The following ARHGEF6 variants were observed in gnomAD, a reference collection of about 807,000 sequenced individuals.
ARHGEF6 encodes the protein rho guanine nucleotide exchange factor 6.
In ARHGEF6, 9 loss-of-function variants were observed where a neutral mutation model predicts 70.3. The observed-to-expected ratio is 0.13, with a 90% CI of 0.08 to 0.22. The LOEUF (loss-of-function observed/expected upper bound fraction) is 0.22, where lower values mean the gene tolerates loss of function less well. Ranked by LOEUF, ARHGEF6 falls within the 10% of genes least tolerant of loss-of-function variation. The pLI, the probability that ARHGEF6 is intolerant of heterozygous loss-of-function variation, is 1.00. For missense variants in ARHGEF6, 470 were observed against 563.0 expected (o/e 0.83, Z 1.67); for synonymous variants, 201 against 207.8 (o/e 0.97, Z 0.28).
intron 9 of ARHGEF6, among the ~76,000 whole-genome samples, chrX:136,697,005 G>C (rs1168140601): frequency 2.7e-5 from 3 of 111,208 alleles, no homozygotes; most frequent in African/African-American, 9.8e-5. Flanking sequence ...CCCGACACAG[G>C]CTGGAGAGTA....
intron 11 of ARHGEF6, 94 bp downstream of exon 11, chrX:136,687,838 A>T (rs1349785838): frequency 2.7e-6 from 2 of 742,360 alleles, no homozygotes; most frequent in Admixed American, 4.4e-5. Flanking sequence ...CATTCTAAAG[A>T]CCTTTGTATA....
chrX:136,727,471 CTCTT>C (rs199655838), intron 6 of ARHGEF6, among the ~76,000 whole-genome samples: 6 of 97,537 alleles, frequency 6.2e-5, no homozygotes, highest in East Asian at 6.4e-4. Flanking sequence ...CTTTCTTTCT[CTCTT>C]TCTTTCCTTC....
intron 9 of ARHGEF6, among the ~76,000 whole-genome samples, chrX:136,706,121 T>A (rs892165805): frequency 3.6e-5 from 4 of 111,746 alleles, no homozygotes; most frequent in Non-Finnish European, 7.5e-5. Flanking sequence ...TGTCCTACAG[T>A]TTTCTGGCCC....
chrX:136,754,253 T>G (rs953445276), intron 2 of ARHGEF6, among the ~76,000 whole-genome samples: 2 of 110,842 alleles, frequency 1.8e-5, no homozygotes, highest in East Asian at 5.6e-4. Flanking sequence ...GGCATCTTAG[T>G]GGGGCCAGTC....
Position 136,675,003 on chromosome X carries a change from C to G in ARHGEF6, c.2035+4G>C. On this transcript the variant is annotated splice_donor_region_variant and intron_variant, in intron 19 of 21. Coordinates refer to ENST00000250617, the MANE Select transcript of ARHGEF6 (RefSeq NM_004840.3). The stretch of plus-strand genomic sequence containing the variant: ...ACTAGAGAAAGTAGTTTGGGGGAAC[C>G]TACTTGAGCCATGGCCTTGTTGAAA... The G allele has an allele frequency of 8.3e-7, 1 of 1,207,006 alleles. No homozygotes were observed. Among genetic ancestry groups the G allele is most frequent in the Non-Finnish European group, 1.1e-6 (1 of 891,198 alleles).
At chrX:136,718,191 T>G (rs897374607) in intron 6 of ARHGEF6, among the ~76,000 whole-genome samples, 6 of 111,728 alleles carry the variant, frequency 5.4e-5, no homozygotes, top group Admixed American at 9.5e-5. Flanking sequence ...ATGTTCATAC[T>G]AATCAAAAGA....
intron 8 of ARHGEF6, among the ~76,000 whole-genome samples, chrX:136,707,423 C>T (rs2148615840): frequency 8.9e-6 from 1 of 111,961 alleles, no homozygotes; most frequent in East Asian, 2.8e-4. Flanking sequence ...ATCTTGGAGG[C>T]CTGGTGTTTG....
chrX:136,679,726 A>G, intron 15 of ARHGEF6, 66 bp from the exon 16 acceptor site: 1 of 1,163,906 alleles, frequency 8.6e-7, no homozygotes, highest in African/African-American at 1.8e-5. Flanking sequence ...CCACACAGTG[A>G]GAGAACAACA....
At position 136,685,828 on chromosome X, in the gene ARHGEF6, A is replaced by G. The variant is rs200791346; in HGVS notation, c.1246-5T>C. The G allele has an allele frequency of 3.4e-4, 412 of 1,208,099 alleles. No homozygotes were observed. Among genetic ancestry groups the G allele is most frequent in the Non-Finnish European group, 4.5e-4 (400 of 893,939 alleles). ...CCTCAGATCTTGACATTGCCCCTAC[A>G]GAACCAAAGCAGAACATAATGGAAT... On this transcript the variant is annotated splice_region_variant and splice_polypyrimidine_tract_variant and intron_variant, in intron 11 of 21. Transcript: ENST00000250617.
At chrX:136,721,792 G>T (rs1042316028) in intron 6 of ARHGEF6, among the ~76,000 whole-genome samples, 1 of 111,137 alleles carries the variant, frequency 9.0e-6, no homozygotes, top group Non-Finnish European at 1.9e-5. Flanking sequence ...TGGGGGAGCT[G>T]GTTGGGATGA....
intron 6 of ARHGEF6, among the ~76,000 whole-genome samples, chrX:136,728,337 G>A (rs758092411): frequency 4.0e-4 from 44 of 110,724 alleles, no homozygotes; most frequent in African/African-American, 1.2e-3. Context: ...GGCAGGTGCG[G>A]GTCTGAGCTG....
chrX:136,692,498 G>A (rs1451095525), intron 9 of ARHGEF6, among the ~76,000 whole-genome samples: 1 of 112,040 alleles, frequency 8.9e-6, no homozygotes, highest in African/African-American at 3.2e-5. Flanking sequence ...AACCCTGGAT[G>A]AGTTGCCTGA....
chrX:136,680,660 T>C, intron 15 of ARHGEF6, 71 bp downstream of exon 15: 1 of 1,150,619 alleles, frequency 8.7e-7, no homozygotes, highest in South Asian at 1.8e-5. Context: ...CGCTGCTTCT[T>C]GTAAGTCTCC....
At chrX:136,722,066 TA>T (rs894203278) in intron 6 of ARHGEF6, among the ~76,000 whole-genome samples, 10 of 108,935 alleles carry the variant, frequency 9.2e-5, no homozygotes, top group African/African-American at 2.0e-4. Flanking sequence ...ATCTGTCAAT[TA>T]AAAAAAAAGA....
chrX:136,677,606 C>A (rs1438075277), intron 17 of ARHGEF6, among the ~76,000 whole-genome samples: 1 of 110,910 alleles, frequency 9.0e-6, no homozygotes. Flanking sequence ...GGAAACAAAT[C>A]ATTTAATTTA....
chrX:136,668,108 T>C lies in ARHGEF6; in HGVS notation c.2252A>G (p.Lys751Arg). ...EELKSRRDLEKLVRRLLKQTD... is the reference protein window; with the variant it reads ...EELKSRRDLERLVRRLLKQTD... Reference sequence around the variant, plus strand: ...TTGCTTCAAAAGCCTCCGCACCAGCTTTTCTAGGTCCCTTCTTGATTTCAG... The same window carrying C: ...TTGCTTCAAAAGCCTCCGCACCAGCCTTTCTAGGTCCCTTCTTGATTTCAG... The change falls in exon 22 of 22, where the codon AAG (lysine) becomes AGG (arginine). Residue 751 changes from lysine to arginine, a missense_variant. Physicochemically the swap from Lys to Arg is conservative, Grantham distance 26 (BLOSUM62 2). This residue lies in a region of ARHGEF6 where 88 missense variants were observed against 95.5 expected (regional missense o/e 0.92). Coordinates refer to ENST00000250617, the MANE Select transcript of ARHGEF6 (RefSeq NM_004840.3). 1 of 1,211,625 alleles carries C rather than the reference T, an allele frequency of 8.3e-7. No individual in the cohort carries two copies. The highest frequency in any genetic ancestry group is 1.8e-5 in the South Asian group (1 of 56,975).
intron 5 of ARHGEF6, among the ~76,000 whole-genome samples, chrX:136,742,608 T>C (rs1204840008): frequency 9.0e-6 from 1 of 111,700 alleles, no homozygotes; most frequent in African/African-American, 3.3e-5. Flanking sequence ...GCTGGGTTTT[T>C]TGCAATATCA....
chrX:136,697,341 AG>A (rs775743314), intron 9 of ARHGEF6, among the ~76,000 whole-genome samples: 1 of 112,129 alleles, frequency 8.9e-6, no homozygotes, highest in Admixed American at 9.4e-5. Flanking sequence ...TAGGCCAGCT[AG>A]GTCACCAGAG....
intron 10 of ARHGEF6, 112 bp from the exon 11 acceptor site, chrX:136,688,103 G>C: frequency 1.7e-6 from 1 of 576,897 alleles, no homozygotes; most frequent in African/African-American, 2.2e-5. Flanking sequence ...GAATTTTGGG[G>C]GATGATGGAA....
Sources: allele counts gnomAD v4.1 joint callset (sites outside exome capture counted in the v4.1 genomes callset), GRCh38; gene constraint gnomAD v4.1.1; regional missense constraint gnomAD v4.1.1; transcripts MANE v1.5; gene names NCBI Gene and HGNC (gene_info 2026-07-23, HGNC 2026-07-21).